The following CFAP54 variants were observed in gnomAD, a reference collection of about 807,000 sequenced individuals.
CFAP54 encodes cilia and flagella associated protein 54.
In CFAP54, 290 loss-of-function variants were observed where a neutral mutation model predicts 370.4. The ratio of observed to expected loss-of-function variants is 0.78; its 90% CI spans 0.71 to 0.86. The LOEUF is 0.86. Ranked by LOEUF, CFAP54 falls within the 40% of genes least tolerant of loss-of-function variation. The pLI is 0.00. For synonymous variants in CFAP54, 1,206 were observed against 1,236.5 expected (o/e 0.98, Z 0.52); for missense variants, 3,399 against 3,528.7 (o/e 0.96, Z 0.93).
chr12:96,503,997 A>G lies in CFAP54; in HGVS notation c.535A>G (p.Lys179Glu). 6.6e-7 allele frequency: 1 copy of G among 1,519,978 alleles called. No homozygotes were observed. Among genetic ancestry groups the G allele is most frequent in the South Asian group, 1.3e-5 (1 of 79,852 alleles). 94.2% of individuals were successfully genotyped at this position (1,519,978 alleles called of 1,614,324 possible). The change falls in exon 3 of 68, where the codon AAA (lysine) becomes GAA (glutamate). Residue 179 changes from lysine to glutamate, a missense_variant. Lys to Glu is a moderately conservative substitution (Grantham distance 56). This residue lies in a region of CFAP54 where 559 missense variants were observed against 576.7 expected (regional missense o/e 0.97). Transcript: ENST00000524981. ...VTQFKATFFPKGFKDKTAGLT... is the reference protein window; with the variant it reads ...VTQFKATFFPEGFKDKTAGLT... Reference sequence around the variant, plus strand: ...TCAATTCAAAGCTACCTTTTTCCCAAAAGGCTTTAAAGATAAAACTGCTGG... The same window carrying G: ...TCAATTCAAAGCTACCTTTTTCCCAGAAGGCTTTAAAGATAAAACTGCTGG...
At chr12:96,608,513 G>A (rs974094905) in intron 26 of CFAP54, among the ~76,000 whole-genome samples, 16 of 146,624 alleles carry the variant, frequency 1.1e-4, no homozygotes, top group Admixed American at 6.9e-4. Flanking sequence ...CCAGGCTGGA[G>A]TGCAGTGGCT....
intron 55 of CFAP54, among the ~76,000 whole-genome samples, chr12:96,752,609 A>G (rs552542881): frequency 6.6e-6 from 1 of 152,146 alleles, no homozygotes; most frequent in South Asian, 2.1e-4. Context: ...AAAATTACCA[A>G]AGAGAAGGTG....
chr12:96,792,296 G>C (rs1592764242), intron 62 of CFAP54, 33 bp from the exon 63 acceptor site: 2 of 1,444,094 alleles, frequency 1.4e-6, no homozygotes, highest in East Asian at 2.6e-5. Context: ...TTTATTACCA[G>C]TAATTAAACT....
intron 45 of CFAP54, among the ~76,000 whole-genome samples, chr12:96,694,954 G>A (rs1203171478): frequency 6.6e-6 from 1 of 152,060 alleles, no homozygotes; most frequent in Non-Finnish European, 1.5e-5. Flanking sequence ...CTGGAAGGAG[G>A]AGGTTGCAGT....
chr12:96,852,563 T>A (rs1351380219), intron 66 of CFAP54, among the ~76,000 whole-genome samples: 1 of 152,050 alleles, frequency 6.6e-6, no homozygotes, highest in Non-Finnish European at 1.5e-5. Flanking sequence ...ACAATAAAGC[T>A]AGAGGAAATA....
chr12:96,784,805 T>A lies in CFAP54; in HGVS notation c.8370T>A (p.Thr2790=), dbSNP rs1448257295. 5.9e-6 allele frequency: 9 copies of A among 1,534,812 alleles called. No homozygotes were observed. Among genetic ancestry groups the A allele is most frequent in the Non-Finnish European group, 7.0e-6 (8 of 1,146,136 alleles). ...ACAGCGCAGATGGTAGAAAAAAGAC[T>A]CAGACCAAAGTGGATATTACATGGA... ...VCDSADGRKK[T]QTKVDITWIL... Residue 2790 remains threonine (T), a synonymous_variant, in exon 61 of 68, where the codon ACT becomes ACA. Coordinates refer to ENST00000524981, the MANE Select transcript of CFAP54 (RefSeq NM_001306084.2).
chr12:96,834,256 A>G (rs568851022), intron 66 of CFAP54, among the ~76,000 whole-genome samples: 66 of 152,368 alleles, frequency 4.3e-4, no homozygotes, highest in African/African-American at 1.6e-3. Flanking sequence ...TTAGCGGTCA[A>G]GGGAGGCTGT....
intron 32 of CFAP54, among the ~76,000 whole-genome samples, chr12:96,636,638 A>T (rs1956666729): frequency 6.6e-6 from 1 of 151,906 alleles, no homozygotes; most frequent in Non-Finnish European, 1.5e-5. Context: ...TTTTATGTTT[A>T]TTACTTTCTA....
chr12:96,854,324 C>T (rs1287699613), intron 66 of CFAP54, among the ~76,000 whole-genome samples: 9 of 151,930 alleles, frequency 5.9e-5, no homozygotes, highest in Admixed American at 4.6e-4. Flanking sequence ...AAAATAGTAG[C>T]GAAATAGCAA....
intron 62 of CFAP54, among the ~76,000 whole-genome samples, chr12:96,791,618 A>G (rs1019994799): frequency 2.0e-5 from 3 of 152,190 alleles, no homozygotes; most frequent in Non-Finnish European, 2.9e-5. Flanking sequence ...CTTATTTTCC[A>G]TATGGCATTG....
chr12:96,869,245 T>C (rs1388360880), intron 67 of CFAP54, among the ~76,000 whole-genome samples: 2 of 152,212 alleles, frequency 1.3e-5, no homozygotes, highest in Non-Finnish European at 2.9e-5. Flanking sequence ...TTTTTTTTTC[T>C]TAGAACAATG....
chr12:96,748,473 GTC>G (rs1388183400), intron 55 of CFAP54, among the ~76,000 whole-genome samples: 1 of 151,658 alleles, frequency 6.6e-6, no homozygotes, highest in African/African-American at 2.4e-5. Context: ...GAGTCTTTCA[GTC>G]TCTGTTCTGC....
At chr12:96,733,587 A>G (rs1254224231) in intron 50 of CFAP54, among the ~76,000 whole-genome samples, 1 of 127,616 alleles carries the variant, frequency 7.8e-6, no homozygotes, top group African/African-American at 2.9e-5. Flanking sequence ...ATTCTCCTTT[A>G]CATTTGATCT....
intron 39 of CFAP54, among the ~76,000 whole-genome samples, chr12:96,672,905 C>T (rs1345273467): frequency 1.3e-5 from 2 of 152,088 alleles, no homozygotes; most frequent in Non-Finnish European, 2.9e-5. Context: ...TAGATGTTTA[C>T]TGATGATAGG....
chr12:96,641,940 G>GT (rs1193673308), intron 32 of CFAP54, among the ~76,000 whole-genome samples: 2 of 144,912 alleles, frequency 1.4e-5, no homozygotes, highest in Non-Finnish European at 3.1e-5. Flanking sequence ...GGGTGGTGCG[G>GT]GGGGGGAGGG....
At chr12:96,753,633 C>A in intron 55 of CFAP54, 110 bp from the exon 56 acceptor site, 2 of 1,065,966 alleles carry the variant, frequency 1.9e-6, no homozygotes, top group Non-Finnish European at 2.7e-6. Context: ...TAAAAACTAC[C>A]AAAGTTCTTG....
intron 44 of CFAP54, among the ~76,000 whole-genome samples, chr12:96,692,563 A>G (rs929521699): frequency 6.6e-6 from 1 of 152,214 alleles, no homozygotes; most frequent in Admixed American, 6.5e-5. Flanking sequence ...TTAATTGTGG[A>G]AAAAGGTATC....
chr12:96,843,426 C>T (rs1566000066), intron 66 of CFAP54, among the ~76,000 whole-genome samples: 1 of 152,118 alleles, frequency 6.6e-6, no homozygotes, highest in Admixed American at 6.5e-5. Flanking sequence ...TGGAACTAAA[C>T]CTTTACTGTA....
chr12:96,724,672 T>G (rs1267294833), intron 50 of CFAP54, among the ~76,000 whole-genome samples: 1 of 152,174 alleles, frequency 6.6e-6, no homozygotes, highest in African/African-American at 2.4e-5. Flanking sequence ...AGAAGCTCTT[T>G]AGTTTAATTA....
Sources: gnomAD v4.1 joint callset for allele counts (sites outside exome capture counted in the v4.1 genomes callset) on GRCh38, gnomAD v4.1.1 for gene constraint, gnomAD v4.1.1 regional missense constraint, MANE v1.5 for transcripts, NCBI Gene and HGNC (gene_info 2026-07-23, HGNC 2026-07-21) for gene names.